DAB2: variants seen among roughly 807,000 people sequenced by gnomAD.
The protein encoded by DAB2 is DAB adaptor protein 2.
A neutral mutation model predicts 71.6 loss-of-function variants in DAB2; 28 were observed. The ratio of observed to expected loss-of-function variants is 0.39; its 90% CI spans 0.29 to 0.54. The LOEUF is 0.54. Ranked by LOEUF, DAB2 falls within the 20% of genes least tolerant of loss-of-function variation. The probability of loss-of-function intolerance (pLI) is 0.68; values close to 1 mark genes in which losing one functional copy is unlikely to be tolerated. For missense variants in DAB2, 867 were observed against 928.8 expected (o/e 0.93, Z 0.86); for synonymous variants, 345 against 339.7 (o/e 1.02, Z -0.17).
rs930193126 is a variant in DAB2 at position 39,393,168 on chromosome 5, A to G, written c.231+86T>C. ...TTAAAAGCAGTTTTCAAGTAATTGA[A>G]CAATAGGTCAACAAGAGCTTCTAAT... is the stretch of plus-strand genomic sequence containing the variant. On this transcript the variant is annotated intron_variant, in intron 3 of 14. Transcript: ENST00000320816. 3.1e-5 allele frequency: 43 copies of G among 1,387,826 alleles called. No homozygotes were observed. In the Admixed American group the frequency reaches 8.2e-4, roughly 26 times the overall value. The allele number at this position is 1,387,826 out of a possible 1,614,324, so 86.0% of individuals were successfully genotyped here.
chr5:39,387,610 C>A (rs1393542889), intron 9 of DAB2: 3 of 152,092 alleles, frequency 2.0e-5, no homozygotes, highest in Admixed American at 2.0e-4. Flanking sequence ...ATGTCATGGA[C>A]ATTTTCATTA....
chr5:39,371,931 T>C lies in DAB2; in HGVS notation c.*1500A>G, dbSNP rs1311435167. ...AAATTATGCCATATATGATCAACTA[T>C]TACCATTAAACATAAAACCACAGGA... On this transcript the variant is annotated 3_prime_UTR_variant, in exon 15 of 15. Transcript: ENST00000320816. The C allele has an allele frequency of 6.6e-6, 1 of 152,172 alleles. No individual in the cohort carries two copies. Among genetic ancestry groups the C allele is most frequent in the Non-Finnish European group, 1.5e-5 (1 of 68,028 alleles). 9.4% of individuals were successfully genotyped at this position (152,172 alleles called of 1,614,324 possible).
chr5:39,385,910 C>A (rs1317106270), intron 9 of DAB2, among the ~76,000 whole-genome samples: 2 of 152,324 alleles, frequency 1.3e-5, no homozygotes, highest in East Asian at 3.9e-4. Context: ...AAAGACCCAA[C>A]TCAAATTCAG....
chr5:39,406,414 C>T (rs953200864), intron 1 of DAB2, among the ~76,000 whole-genome samples: 4 of 152,148 alleles, frequency 2.6e-5, no homozygotes, highest in Admixed American at 2.6e-4. Flanking sequence ...AAACCTGCCC[C>T]GCTCACCAGA....
intron 14 of DAB2, 77 bp downstream of exon 14, chr5:39,374,937 A>T: frequency 1.1e-6 from 1 of 936,956 alleles, no homozygotes; most frequent in Non-Finnish European, 1.7e-6. Flanking sequence ...TTCTAAAATT[A>T]AAATTTCACT....
chr5:39,402,845 C>T (rs1341366934), intron 1 of DAB2, among the ~76,000 whole-genome samples: 1 of 152,190 alleles, frequency 6.6e-6, no homozygotes, highest in African/African-American at 2.4e-5. Flanking sequence ...ACTCTGGGAA[C>T]AAAATCTACT....
chr5:39,399,940 C>T (rs1044809837), intron 1 of DAB2, among the ~76,000 whole-genome samples: 19 of 152,190 alleles, frequency 1.2e-4, no homozygotes, highest in Non-Finnish European at 2.2e-4. Flanking sequence ...AATGGTACTA[C>T]TTAATGATTC....
At chr5:39,412,911 C>T (rs1465186350) in intron 1 of DAB2, among the ~76,000 whole-genome samples, 2 of 152,132 alleles carry the variant, frequency 1.3e-5, no homozygotes, top group Non-Finnish European at 2.9e-5. Flanking sequence ...AAAGTACTTT[C>T]AGGAAAGAGG....
chr5:39,409,752 C>G (rs548869811), intron 1 of DAB2, among the ~76,000 whole-genome samples: 69 of 152,222 alleles, frequency 4.5e-4, no homozygotes, highest in African/African-American at 1.3e-3. Flanking sequence ...AAGAACCACC[C>G]CTTGGTGACC....
At chr5:39,397,325 C>A (rs1755389983) in intron 1 of DAB2, among the ~76,000 whole-genome samples, 1 of 152,220 alleles carries the variant, frequency 6.6e-6, no homozygotes, top group Non-Finnish European at 1.5e-5. Flanking sequence ...GTACTCCCTT[C>A]TCAGAGGCCT....
At position 39,422,601 on chromosome 5, in the gene DAB2, G is replaced by A. The variant is rs1314636108; in HGVS notation, c.-102+2203C>T. On this transcript the variant is annotated intron_variant, in intron 1 of 14. Transcript: ENST00000320816. This position sits in a 1 kb window ranked among gnomAD's most constrained non-coding sequence, Gnocchi z 4.1. ...GCATAAGAGCCTATGTCACAGCAAAGCCTCCTGCTTGGCCAGGAGCACTCA... is the reference window on the plus strand; with the variant it reads ...GCATAAGAGCCTATGTCACAGCAAAACCTCCTGCTTGGCCAGGAGCACTCA... Among the ~76,000 whole-genome samples, 3 of 152,270 alleles carry A rather than the reference G, an allele frequency of 2.0e-5. No homozygotes were observed. Among genetic ancestry groups the A allele is most frequent in the African/African-American group, 7.2e-5 (3 of 41,544 alleles).
intron 13 of DAB2, 133 bp downstream of exon 13, chr5:39,375,864 C>G: frequency 1.4e-6 from 1 of 709,838 alleles, no homozygotes; most frequent in Non-Finnish European, 2.3e-6. Context: ...CCAGCCTGGC[C>G]GACAGAGCAA....
chr5:39,403,103 C>T (rs1008736973), intron 1 of DAB2, among the ~76,000 whole-genome samples: 5 of 152,098 alleles, frequency 3.3e-5, no homozygotes, highest in African/African-American at 1.2e-4. Flanking sequence ...ATGTGAGGTG[C>T]GATGGTTTAC....
At position 39,392,415 on chromosome 5, in the gene DAB2, A is replaced by T. The variant is rs1755254682; in HGVS notation, c.280T>A (p.Trp94Arg). Reference protein sequence around the residue: ...RSQGQHKQRIWVNISLSGIKI... With the variant: ...RSQGQHKQRIRVNISLSGIKI... ...ATCCCAGAAAGGGAAATGTTGACCC[A>T]GATCCTTTGTTTGTGTTGTCCCTGA... The change falls in exon 4 of 15, where the codon TGG becomes AGG. Residue 94 changes from tryptophan to arginine, a missense_variant. Trp to Arg is a moderately radical substitution (Grantham distance 101, BLOSUM62 -3). Transcript: ENST00000320816. 1.2e-6 allele frequency: 2 copies of T among 1,614,150 alleles called. No individual in the cohort carries two copies. The highest frequency in any genetic ancestry group is 8.5e-7 in the Non-Finnish European group (1 of 1,180,002).
chr5:39,404,168 C>T (rs1265477649), intron 1 of DAB2, among the ~76,000 whole-genome samples: 2 of 144,548 alleles, frequency 1.4e-5, no homozygotes, highest in East Asian at 4.1e-4. Context: ...AGTCAATGTT[C>T]TCACTCATAG....
chr5:39,396,059 C>T (rs1182995364), intron 1 of DAB2, among the ~76,000 whole-genome samples: 1 of 148,910 alleles, frequency 6.7e-6, no homozygotes, highest in Non-Finnish European at 1.5e-5. Context: ...TCTCCTGCCT[C>T]GGCTTCCTGA....
intron 1 of DAB2, among the ~76,000 whole-genome samples, chr5:39,407,135 A>G (rs1041198681): frequency 1.3e-5 from 2 of 152,190 alleles, no homozygotes; most frequent in African/African-American, 4.8e-5. Flanking sequence ...CAAATGTTTT[A>G]CTGTTTTCAT....
At position 39,398,546 on chromosome 5, in the gene DAB2, G is replaced by T. The variant is rs1579915954; in HGVS notation, c.-101-4125C>A. On this transcript the variant is annotated intron_variant, in intron 1 of 14. Coordinates refer to ENST00000320816, the MANE Select transcript of DAB2 (RefSeq NM_001343.4). ...TAATATAAATTCCCTGAAGAAAATG[G>T]ATGTGTATGTTGAGTTGCAATAGCC... Among the ~76,000 whole-genome samples the T allele has an allele frequency of 2.6e-5, 4 of 152,252 alleles. No individual in the cohort carries two copies. The South Asian group carries it at 8.3e-4, about 32-fold the overall frequency.
At chr5:39,386,063 T>C (rs1331199205) in intron 9 of DAB2, among the ~76,000 whole-genome samples, 1 of 152,226 alleles carries the variant, frequency 6.6e-6, no homozygotes, top group East Asian at 1.9e-4. Flanking sequence ...AGATTTAATC[T>C]CCTTGATCAC....
Sources: gnomAD v4.1 joint callset for allele counts (sites outside exome capture counted in the v4.1 genomes callset) on GRCh38, gnomAD v4.1.1 for gene constraint, Gnocchi (gnomAD v3.1) non-coding constraint, MANE v1.5 for transcripts, NCBI Gene and HGNC (gene_info 2026-07-23, HGNC 2026-07-21) for gene names.